DDX6: variants seen among roughly 807,000 people sequenced by gnomAD.
DDX6 encodes the protein probable ATP-dependent RNA helicase DDX6.
Under a neutral mutation model 60.6 loss-of-function variants are expected in DDX6, and 7 were observed. That is an observed-to-expected ratio of 0.12 (90% CI 0.07 to 0.22). DDX6 has a LOEUF of 0.22. DDX6 is among the 10% of genes least tolerant of loss of function. The probability of loss-of-function intolerance (pLI) is 1.00; values close to 1 mark genes in which losing one functional copy is unlikely to be tolerated. For missense variants in DDX6, 270 were observed against 589.9 expected (o/e 0.46, Z 5.62); for synonymous variants, 207 against 201.0 (o/e 1.03, Z -0.25).
At chr11:118,780,114 CA>C (rs71044492) in intron 3 of DDX6, among the ~76,000 whole-genome samples, 6,694 of 39,542 alleles carry the variant, frequency 0.17, 25 homozygotes, top group South Asian at 0.28. Flanking sequence ...GACTCTATCT[CA>C]AAAAAAAAAA....
chr11:118,768,148 A>G (rs1335840668), intron 5 of DDX6, 75 bp downstream of exon 5: 3 of 1,347,878 alleles, frequency 2.2e-6, no homozygotes, highest in Non-Finnish European at 3.0e-6. Flanking sequence ...GACTAAAAAA[A>G]GAGTATCTTC....
In DDX6 at chr11:118,750,541, A is replaced by G. The variant is rs1316476798; in HGVS notation, c.*1564T>C. 6.6e-6 allele frequency: 1 copy of G among 152,170 alleles called. No individual in the cohort carries two copies. The highest frequency in any genetic ancestry group is 1.5e-5 in the Non-Finnish European group (1 of 68,022). 9.4% of individuals were successfully genotyped at this position (152,170 alleles called of 1,614,324 possible). The stretch of plus-strand genomic sequence containing the variant: ...CGGGCAGAGGGCAACACATTTACAC[A>G]CTACAGGAAATGATCCACAGAAAAT... On this transcript the variant is annotated 3_prime_UTR_variant, in exon 14 of 14. Coordinates refer to ENST00000534980, the MANE Select transcript of DDX6 (RefSeq NM_004397.6).
rs373050801 is a variant in DDX6, at chr11:118,760,062, G to A, written c.742-18C>T. On this transcript the variant is annotated intron_variant, in intron 7 of 13. Coordinates refer to ENST00000534980, the MANE Select transcript of DDX6 (RefSeq NM_004397.6). ...TTATCTGCCTGCAGTAGAAAGAAAA[G>A]ACAATTTTAAAAACAATAAAATAAT... is the stretch of plus-strand genomic sequence containing the variant. 501 of 1,606,242 alleles carry A rather than the reference G, an allele frequency of 3.1e-4. No individual in the cohort carries two copies. Among genetic ancestry groups the A allele is most frequent in the Middle Eastern group, 1.0e-3 (6 of 5,944 alleles).
At position 118,786,052 on chromosome 11, in the gene DDX6, T is replaced by G; in HGVS notation, c.200A>C (p.Lys67Thr). 6.2e-7 allele frequency: 1 copy of G among 1,612,588 alleles called. No individual in the cohort carries two copies. The highest frequency in any genetic ancestry group is 8.5e-7 in the Non-Finnish European group (1 of 1,179,104). The change falls in exon 2 of 14, where the codon AAA (lysine) becomes ACA (threonine). Residue 67 changes from lysine (K) to threonine (T), a missense_variant and splice_region_variant. Coordinates refer to ENST00000534980, the MANE Select transcript of DDX6 (RefSeq NM_004397.6). ...QQAQSMTTTI[K>T]PGDDWKKTLK... ...ATTAATAATTTACTCTAACACTTAC[T>G]TAATAGTGGTGGTCATACTCTGTGC...
intron 6 of DDX6, among the ~76,000 whole-genome samples, chr11:118,763,571 T>C (rs1476500215): frequency 1.3e-5 from 2 of 152,064 alleles, no homozygotes; most frequent in African/African-American, 4.8e-5. Context: ...CAGTAGCTCA[T>C]CCCTGTAATC....
rs1860650387 is a variant in DDX6 at position 118,748,826 on chromosome 11, G to A, written c.*3279C>T. On this transcript the variant is annotated 3_prime_UTR_variant, in exon 14 of 14. Coordinates refer to ENST00000534980, the MANE Select transcript of DDX6 (RefSeq NM_004397.6). ...CAACAATTTATACTCAAGGCTTTGT[G>A]CTGAGTTGTCGTTTGAACCAAGCAT... is the stretch of plus-strand genomic sequence containing the variant. The A allele has an allele frequency of 1.3e-5, 2 of 149,190 alleles. No individual in the cohort carries two copies. Among genetic ancestry groups the A allele is most frequent in the Admixed American group, 6.9e-5 (1 of 14,478 alleles). 9.2% of individuals were successfully genotyped at this position (149,190 alleles called of 1,614,324 possible). A position where few individuals can be genotyped will look rare whatever the true frequency, so the allele number is the denominator to read the frequency against.
intron 7 of DDX6, among the ~76,000 whole-genome samples, chr11:118,761,242 T>A (rs1555160108): frequency 6.6e-6 from 1 of 152,252 alleles, no homozygotes. Context: ...TGTACTTCAG[T>A]TTCCACAACT....
intron 10 of DDX6, among the ~76,000 whole-genome samples, chr11:118,756,850 T>C (rs565881709): frequency 6.0e-5 from 9 of 150,788 alleles, no homozygotes; most frequent in African/African-American, 2.2e-4. Context: ...CACATGTGGC[T>C]ATTTACTGTA....
At chr11:118,769,899 G>A (rs1260059025) in intron 4 of DDX6, among the ~76,000 whole-genome samples, 12 of 152,098 alleles carry the variant, frequency 7.9e-5, no homozygotes, top group African/African-American at 2.4e-4. Flanking sequence ...TAGTAGAGAC[G>A]GGGTTTCACC....
At chr11:118,773,459 C>A (rs1387345240) in intron 4 of DDX6, among the ~76,000 whole-genome samples, 2 of 152,094 alleles carry the variant, frequency 1.3e-5, no homozygotes, top group African/African-American at 4.8e-5. Flanking sequence ...GCAGTCCCAG[C>A]CACTTGGGAG....
chr11:118,750,371 T>A lies in DDX6; in HGVS notation c.*1734A>T, dbSNP rs1591874884. The stretch of plus-strand genomic sequence containing the variant: ...CACAATTTAAAGCAACACTATTGAC[T>A]GTAAAGCATCTGCCAGCAATTTACA... On this transcript the variant is annotated 3_prime_UTR_variant, in exon 14 of 14. Transcript: ENST00000534980. 1.3e-5 allele frequency: 2 copies of A among 152,306 alleles called. No individual in the cohort carries two copies. Among genetic ancestry groups the A allele is most frequent in the East Asian group, 3.9e-4 (2 of 5,178 alleles). 9.4% of individuals were successfully genotyped at this position (152,306 alleles called of 1,614,324 possible). A position where few individuals can be genotyped will look rare whatever the true frequency, so the allele number is the denominator to read the frequency against.
intron 7 of DDX6, 100 bp from the exon 8 acceptor site, chr11:118,760,144 T>A: frequency 9.0e-7 from 1 of 1,113,786 alleles, no homozygotes; most frequent in East Asian, 2.6e-5. Flanking sequence ...AACAAAAGCA[T>A]CCATGAAATG....
intron 2 of DDX6, among the ~76,000 whole-genome samples, chr11:118,783,534 G>A (rs1158575735): frequency 2.0e-5 from 3 of 152,152 alleles, no homozygotes; most frequent in Non-Finnish European, 4.4e-5. Flanking sequence ...CAGGTGCAGT[G>A]GCTCACGCCT....
chr11:118,754,938 G>A, intron 12 of DDX6, 51 bp from the exon 13 acceptor site: 2 of 1,493,580 alleles, frequency 1.3e-6, no homozygotes, highest in South Asian at 1.3e-5. Context: ...GAAAATCAAT[G>A]TGAATTGTGC....
At chr11:118,765,480 C>G in intron 5 of DDX6, 125 bp from the exon 6 acceptor site, 1 of 960,552 alleles carries the variant, frequency 1.0e-6, no homozygotes, top group East Asian at 2.4e-5. Flanking sequence ...GTGGCTCACA[C>G]CTGTAACTGC....
At chr11:118,762,073 G>A (rs974666234) in intron 7 of DDX6, among the ~76,000 whole-genome samples, 23 of 151,976 alleles carry the variant, frequency 1.5e-4, no homozygotes, top group South Asian at 6.2e-4. Flanking sequence ...TCAGGAGTTC[G>A]AGACTAGCCT....
chr11:118,775,992 C>A (rs1344205428), intron 4 of DDX6, among the ~76,000 whole-genome samples: 9 of 151,914 alleles, frequency 5.9e-5, no homozygotes, highest in Admixed American at 2.0e-4. Flanking sequence ...AAAACAAAAA[C>A]AAAAAACAAC....
chr11:118,784,793 C>T (rs578016483), intron 2 of DDX6, among the ~76,000 whole-genome samples: 2 of 151,876 alleles, frequency 1.3e-5, no homozygotes, highest in East Asian at 3.9e-4. Context: ...CTCTTGTTGC[C>T]CAAGCTGGAG....
intron 2 of DDX6, 147 bp downstream of exon 2, chr11:118,785,905 T>C (rs1348927501): frequency 3.1e-6 from 2 of 653,130 alleles, no homozygotes; most frequent in Non-Finnish European, 5.0e-6. Context: ...CTATTGCAAA[T>C]ACCTACTGGC....
Sources: gnomAD v4.1 joint callset for allele counts (sites outside exome capture counted in the v4.1 genomes callset) on GRCh38, gnomAD v4.1.1 for gene constraint, MANE v1.5 for transcripts, NCBI Gene and HGNC (gene_info 2026-07-23, HGNC 2026-07-21) for gene names.